CPAMD8: variants seen among roughly 807,000 people sequenced by gnomAD.
The protein encoded by CPAMD8 is C3 and PZP like alpha-2-macroglobulin domain containing 8.
CPAMD8 carries 146 observed loss-of-function variants against 224.7 expected under a neutral mutation model. The observed-to-expected ratio is 0.65, with a 90% CI of 0.57 to 0.75. The LOEUF is 0.75. CPAMD8 is among the 30% of genes least tolerant of loss of function. The pLI is 0.00. For missense variants in CPAMD8, 2,301 were observed against 2,537.5 expected, an observed-to-expected ratio of 0.91 and a Z score of 2.00; for synonymous variants, 966 against 1,044.6, an observed-to-expected ratio of 0.92 and a Z score of 1.45.
intron 13 of CPAMD8, among the ~76,000 whole-genome samples, chr19:16,985,016 T>C (rs1677612159): frequency 6.6e-6 from 1 of 152,224 alleles, no homozygotes; most frequent in Non-Finnish European, 1.5e-5. Flanking sequence ...ATATTGCCTA[T>C]GAATTAGACA....
intron 36 of CPAMD8, among the ~76,000 whole-genome samples, chr19:16,900,673 A>T (rs749605667): frequency 7.2e-5 from 11 of 151,950 alleles, no homozygotes; most frequent in Non-Finnish European, 1.3e-4. Flanking sequence ...ACCTCACCCC[A>T]TCTACTCCTC....
intron 7 of CPAMD8, among the ~76,000 whole-genome samples, chr19:17,006,550 T>C (rs899607571): frequency 6.6e-6 from 1 of 151,876 alleles, no homozygotes; most frequent in Non-Finnish European, 1.5e-5. Context: ...AAAAAACTTT[T>C]TAAAAAAAGA....
intron 41 of CPAMD8, chr19:16,894,187 G>C (rs1364162714): frequency 3.5e-6 from 1 of 281,878 alleles, no homozygotes; most frequent in Non-Finnish European, 7.4e-6. Flanking sequence ...GATCTCCCAA[G>C]GGACCTCCAG....
Position 17,022,216 on chromosome 19 carries a change from C to G in CPAMD8, c.93-35G>C, listed in dbSNP as rs545057219. On this transcript the variant is annotated intron_variant, in intron 1 of 41. Coordinates refer to ENST00000443236, the MANE Select transcript of CPAMD8 (RefSeq NM_015692.5). ...AGGAGATCCGAGGTGAAGTTCTCAC[C>G]CCAGACCCCTGGTCTCGCTGCCACC... 14 of 1,597,626 alleles carry G rather than the reference C, an allele frequency of 8.8e-6. No homozygotes were observed. The South Asian group carries it at 1.1e-4, about 13-fold the overall frequency.
intron 23 of CPAMD8, among the ~76,000 whole-genome samples, chr19:16,931,927 C>T (rs1321124893): frequency 6.6e-6 from 1 of 152,178 alleles, no homozygotes; most frequent in Non-Finnish European, 1.5e-5. Flanking sequence ...GATAGATCTT[C>T]AGGAAAAAGT....
At chr19:16,904,176 A>AGGGGCCCCCCCCCCCCCCCCCCCCCCCC in intron 32 of CPAMD8, 50 bp downstream of exon 32, 2 of 937,338 alleles carry the variant, frequency 2.1e-6, no homozygotes, top group East Asian at 2.6e-5. Flanking sequence ...GACTGCAGGG[A>AGGGGCCCCCCCCCCCCCCCCCCCCCCCC]CCCCACCCAC....
chr19:16,941,733 G>C (rs2053897542), intron 22 of CPAMD8, among the ~76,000 whole-genome samples: 1 of 152,178 alleles, frequency 6.6e-6, no homozygotes, highest in Non-Finnish European at 1.5e-5. Flanking sequence ...CCAGCACTTT[G>C]GGAGGCCGAG....
At chr19:17,016,697 T>C (rs1291065554) in intron 3 of CPAMD8, among the ~76,000 whole-genome samples, 1 of 151,858 alleles carries the variant, frequency 6.6e-6, no homozygotes, top group Non-Finnish European at 1.5e-5. Flanking sequence ...GAGGCAGAGG[T>C]TGCAGTGAGC....
At position 16,914,258 on chromosome 19, in the gene CPAMD8, A is replaced by G. The variant is rs537907160; in HGVS notation, c.3861+166T>C. Among the ~76,000 whole-genome samples the G allele has an allele frequency of 7.2e-5, 11 of 151,738 alleles. No homozygotes were observed. The East Asian group carries it at 1.7e-3, about 24-fold the overall frequency. On this transcript the variant is annotated intron_variant, in intron 29 of 41. Coordinates refer to ENST00000443236, the MANE Select transcript of CPAMD8 (RefSeq NM_015692.5). ...TCTCTCCTCTGCTCAGATTACAAGAAACTGGATGTAATGTGACCATTGTTG... is the reference window on the plus strand; with the variant it reads ...TCTCTCCTCTGCTCAGATTACAAGAGACTGGATGTAATGTGACCATTGTTG...
At chr19:16,942,770 C>A (rs1188019896) in intron 22 of CPAMD8, among the ~76,000 whole-genome samples, 1 of 152,204 alleles carries the variant, frequency 6.6e-6, no homozygotes, top group Non-Finnish European at 1.5e-5. Flanking sequence ...TGCACTTGTC[C>A]ATCCTGGTTC....
At chr19:16,903,923 CG>C in intron 32 of CPAMD8, 66 bp from the exon 33 acceptor site, 2 of 1,510,256 alleles carry the variant, frequency 1.3e-6, no homozygotes, top group Non-Finnish European at 1.8e-6. Context: ...CCCTGAACCC[CG>C]TCTTGGAAGC....
At chr19:16,912,870 A>G (rs533158948) in intron 29 of CPAMD8, among the ~76,000 whole-genome samples, 18 of 152,334 alleles carry the variant, frequency 1.2e-4, no homozygotes, top group Admixed American at 7.8e-4. Context: ...CAAACGAGAT[A>G]CAAAGGATAG....
intron 13 of CPAMD8, among the ~76,000 whole-genome samples, chr19:16,988,621 A>T (rs888789803): frequency 6.9e-6 from 1 of 144,578 alleles, no homozygotes; most frequent in East Asian, 2.0e-4. Context: ...AAAACAAAAC[A>T]AAAAAAAAAA....
At chr19:17,009,046 A>T (rs1384538938) in intron 6 of CPAMD8, 1 of 517,020 alleles carries the variant, frequency 1.9e-6, no homozygotes, top group African/African-American at 1.9e-5. Flanking sequence ...CAGTGAGCCA[A>T]GATCAGCACC....
At chr19:16,975,570 T>C (rs945124525) in intron 16 of CPAMD8, among the ~76,000 whole-genome samples, 3 of 151,828 alleles carry the variant, frequency 2.0e-5, no homozygotes, top group Non-Finnish European at 4.4e-5. Context: ...TAGCCAGGCG[T>C]GGTGGTGCAT....
intron 30 of CPAMD8, among the ~76,000 whole-genome samples, chr19:16,906,382 CTTTCTTTCTTTCTTTCT>C (rs1568459506): frequency 2.1e-4 from 15 of 70,670 alleles, no homozygotes; most frequent in Non-Finnish European, 2.2e-4. Flanking sequence ...TTCTTTCTTT[CTTTCTTTCTTTCTTTCT>C]TTCTTTCTTT....
chr19:17,011,575 C>T lies in CPAMD8; in HGVS notation c.433+17G>A, dbSNP rs745585848. On this transcript the variant is annotated intron_variant, in intron 4 of 41. Transcript: ENST00000443236. ...AGACCATGGCCGGCCCTCCCTGCAT[C>T]CATGCTGGCCACTCACCTCGGTGCT... 20 of 1,614,080 alleles carry T rather than the reference C, an allele frequency of 1.2e-5. No homozygotes were observed. The highest frequency in any genetic ancestry group is 1.7e-5 in the Non-Finnish European group (20 of 1,180,044).
intron 1 of CPAMD8, among the ~76,000 whole-genome samples, chr19:17,026,177 C>T (rs1018311419): frequency 5.2e-4 from 79 of 152,356 alleles, no homozygotes; most frequent in African/African-American, 1.9e-3. Context: ...TCCCTCACCA[C>T]GCCCACCCAC....
chr19:16,948,835 G>GGGGAA (rs1568515435), intron 20 of CPAMD8, among the ~76,000 whole-genome samples: 11 of 87,362 alleles, frequency 1.3e-4, no homozygotes, highest in African/African-American at 3.7e-4. Flanking sequence ...AGGGAAGGGA[G>GGGGAA]GAGAAGGGAA....
Sources: allele counts gnomAD v4.1 joint callset (sites outside exome capture counted in the v4.1 genomes callset), GRCh38; gene constraint gnomAD v4.1.1; transcripts MANE v1.5; gene names NCBI Gene and HGNC (gene_info 2026-07-23, HGNC 2026-07-21).